DIP2C: variants seen among roughly 807,000 people sequenced by gnomAD.
DIP2C encodes the protein disco-interacting protein 2 homolog C.
In DIP2C, 33 loss-of-function variants were observed where a neutral mutation model predicts 192.4. The ratio of observed to expected loss-of-function variants is 0.17; its 90% CI spans 0.13 to 0.23. The LOEUF is 0.23. Ranked by LOEUF, DIP2C falls within the 10% of genes least tolerant of loss-of-function variation. The pLI, the probability that DIP2C is intolerant of heterozygous loss-of-function variation, is 1.00. For synonymous variants in DIP2C, 979 were observed against 864.1 expected, an observed-to-expected ratio of 1.13 and a Z score of -2.33; for missense variants, 1,537 against 2,110.1, an observed-to-expected ratio of 0.73 and a Z score of 5.32.
intron 1 of DIP2C, among the ~76,000 whole-genome samples, chr10:492,109 A>AT (rs1177065159): frequency 1.3e-5 from 2 of 152,172 alleles, no homozygotes; most frequent in Non-Finnish European, 2.9e-5. Flanking sequence ...GTCAACCACC[A>AT]TCTAGGGACC....
chr10:553,888 C>T (rs943532067), intron 1 of DIP2C, among the ~76,000 whole-genome samples: 1 of 147,890 alleles, frequency 6.8e-6, no homozygotes, highest in Non-Finnish European at 1.5e-5. Flanking sequence ...AAGAAATATA[C>T]CTCATAGAAA....
chr10:284,206 G>A (rs1384190801), intron 34 of DIP2C, among the ~76,000 whole-genome samples: 1 of 152,106 alleles, frequency 6.6e-6, no homozygotes, highest in Non-Finnish European at 1.5e-5. Flanking sequence ...AATGAAAAGT[G>A]GTCAAGTTCC....
intron 1 of DIP2C, among the ~76,000 whole-genome samples, chr10:508,692 TAAGAAAAAA>T (rs758860048): frequency 6.6e-6 from 1 of 151,960 alleles, no homozygotes; most frequent in African/African-American, 2.4e-5. Flanking sequence ...TTGGTCAACG[TAAGAAAAAA>T]GCCTCCCATG....
intron 4 of DIP2C, among the ~76,000 whole-genome samples, chr10:433,891 T>G (rs1277888476): frequency 6.6e-6 from 1 of 151,604 alleles, no homozygotes; most frequent in Non-Finnish European, 1.5e-5. Flanking sequence ...TCTGTTGCCC[T>G]TTTGTCTTTT....
At chr10:507,650 A>G (rs952906238) in intron 1 of DIP2C, among the ~76,000 whole-genome samples, 1 of 152,244 alleles carries the variant, frequency 6.6e-6, no homozygotes, top group Non-Finnish European at 1.5e-5. Context: ...AAATCTTTAG[A>G]TATTTCCCAA....
intron 3 of DIP2C, among the ~76,000 whole-genome samples, chr10:470,147 G>A (rs1970512381): frequency 6.6e-6 from 1 of 152,170 alleles, no homozygotes; most frequent in African/African-American, 2.4e-5. Flanking sequence ...TTGATAAATG[G>A]ATGGATGATT....
intron 1 of DIP2C, among the ~76,000 whole-genome samples, chr10:601,693 C>T (rs367993624): frequency 7.2e-5 from 11 of 152,334 alleles, no homozygotes; most frequent in South Asian, 6.2e-4. Flanking sequence ...AGGTGGGAGG[C>T]GCCCACTGCC....
intron 1 of DIP2C, among the ~76,000 whole-genome samples, chr10:595,571 A>C (rs1386941354): frequency 1.3e-5 from 2 of 152,150 alleles, no homozygotes; most frequent in Non-Finnish European, 2.9e-5. Flanking sequence ...TTTTGCATCT[A>C]CCTTGAAGCC....
intron 1 of DIP2C, among the ~76,000 whole-genome samples, chr10:646,878 G>A (rs1351575859): frequency 3.9e-5 from 6 of 152,220 alleles, no homozygotes; most frequent in Non-Finnish European, 5.9e-5. Flanking sequence ...AGACTCGGTT[G>A]GTAATTTCCA....
rs890779134 is a variant in DIP2C, at chr10:275,368, T to A, written c.*1957A>T. ...TGCATCTGAAGCATGTGGAGAAATA[T>A]TCACACACAGCAATGAGGTCAAACA... On this transcript the variant is annotated 3_prime_UTR_variant, in exon 37 of 37. Coordinates refer to ENST00000280886, the MANE Select transcript of DIP2C (RefSeq NM_014974.3). 6.6e-6 allele frequency: 1 copy of A among 152,086 alleles called. No homozygotes were observed. Among genetic ancestry groups the A allele is most frequent in the Non-Finnish European group, 1.5e-5 (1 of 68,034 alleles). 9.4% of individuals were successfully genotyped at this position (152,086 alleles called of 1,614,324 possible).
At chr10:479,328 CTTTTTTTTTT>C (rs766379689) in intron 2 of DIP2C, among the ~76,000 whole-genome samples, 1 of 88,458 alleles carries the variant, frequency 1.1e-5, no homozygotes. Context: ...TCTCACACTG[CTTTTTTTTTT>C]TTTTTTTTTT....
intron 17 of DIP2C, among the ~76,000 whole-genome samples, chr10:377,041 G>C (rs1453139873): frequency 6.6e-6 from 1 of 152,096 alleles, no homozygotes; most frequent in Non-Finnish European, 1.5e-5. Flanking sequence ...TTCTCTAACA[G>C]GAGCAATGCA....
intron 1 of DIP2C, among the ~76,000 whole-genome samples, chr10:525,750 T>C (rs1050191477): frequency 8.5e-5 from 13 of 152,278 alleles, no homozygotes; most frequent in African/African-American, 2.6e-4. Flanking sequence ...ACACCAGCTG[T>C]GCAGGTGACT....
In DIP2C at chr10:541,904, G is replaced by A. The variant is rs147939980; in HGVS notation, c.86-55374C>T. Among the ~76,000 whole-genome samples the A allele has an allele frequency of 4.6e-5, 7 of 152,192 alleles. No homozygotes were observed. The East Asian group carries it at 5.8e-4, about 13-fold the overall frequency. On this transcript the variant is annotated intron_variant, in intron 1 of 36. Transcript: ENST00000280886. ...CCTCACCTCACTTCCTCACCTTCTC[G>A]TCGGGTCAAGCACCAACAATCCGCT... is the stretch of plus-strand genomic sequence containing the variant.
chr10:427,095 T>A (rs1966643536), intron 4 of DIP2C, among the ~76,000 whole-genome samples: 1 of 152,238 alleles, frequency 6.6e-6, no homozygotes, highest in Non-Finnish European at 1.5e-5. Context: ...AACACACGTA[T>A]CTATTATCCT....
intron 1 of DIP2C, among the ~76,000 whole-genome samples, chr10:597,030 C>T (rs1036159842): frequency 2.0e-5 from 3 of 152,214 alleles, no homozygotes; most frequent in Admixed American, 6.5e-5. Context: ...GTGTGTTTGC[C>T]TCTGGACTGA....
chr10:398,320 G>C (rs12266486), intron 10 of DIP2C, among the ~76,000 whole-genome samples: 162 of 152,234 alleles, frequency 1.1e-3, no homozygotes, highest in African/African-American at 3.8e-3. Flanking sequence ...CTAAGACACT[G>C]GCTTCTATTG....
chr10:660,098 GCT>G (rs1348690729), intron 1 of DIP2C, among the ~76,000 whole-genome samples: 2 of 152,262 alleles, frequency 1.3e-5, no homozygotes, highest in Admixed American at 6.5e-5. Context: ...GCCCAGTTCA[GCT>G]CTGTGTATGA....
chr10:433,163 GA>G (rs1966902520), intron 4 of DIP2C, among the ~76,000 whole-genome samples: 1 of 152,172 alleles, frequency 6.6e-6, no homozygotes, highest in Non-Finnish European at 1.5e-5. Context: ...TCTGGCTACT[GA>G]ATTGGTCCAT....
Sources: gnomAD v4.1 joint callset for allele counts (sites outside exome capture counted in the v4.1 genomes callset) on GRCh38, gnomAD v4.1.1 for gene constraint, MANE v1.5 for transcripts, NCBI Gene and HGNC (gene_info 2026-07-23, HGNC 2026-07-21) for gene names.